Variants in GMDS observed in about 807,000 individuals in gnomAD.
The protein encoded by GMDS is GDP-mannose 4,6-dehydratase.
A neutral mutation model predicts 49.9 loss-of-function variants in GMDS; 20 were observed. The observed-to-expected ratio is 0.40, with a 90% CI of 0.28 to 0.58. The LOEUF is 0.58. Among genes scored for constraint, GMDS ranks in the 20% least tolerant of loss-of-function variants. The pLI, the probability that GMDS is intolerant of heterozygous loss-of-function variation, is 0.42. For missense variants in GMDS, 362 were observed against 481.4 expected (o/e 0.75, Z 2.32); for synonymous variants, 177 against 178.6 (o/e 0.99, Z 0.07).
At chr6:2,245,248 C>G in intron 1 of GMDS, 73 bp downstream of exon 1, 1 of 1,044,146 alleles carries the variant, frequency 9.6e-7, no homozygotes, top group Non-Finnish European at 1.4e-6. Flanking sequence ...CCGCAGCCCA[C>G]GAGTAGCGGC....
intron 7 of GMDS, among the ~76,000 whole-genome samples, chr6:1,871,402 A>G (rs1758744338): frequency 6.6e-6 from 1 of 152,220 alleles, no homozygotes; most frequent in Non-Finnish European, 1.5e-5. Context: ...GTAATATTTT[A>G]ATTTTAAAAA....
chr6:2,145,394 C>T (rs1581709781), intron 1 of GMDS, among the ~76,000 whole-genome samples: 1 of 151,986 alleles, frequency 6.6e-6, no homozygotes, highest in Admixed American at 6.5e-5. Flanking sequence ...AAAAATTAGC[C>T]GGGCGTGGTG....
chr6:1,687,195 AAC>A (rs1765006325), intron 9 of GMDS, among the ~76,000 whole-genome samples: 1 of 152,266 alleles, frequency 6.6e-6, no homozygotes, highest in Admixed American at 6.5e-5. Context: ...ACTGACAAAA[AAC>A]TCCCATAACA....
At chr6:1,933,275 G>A (rs759263026) in intron 6 of GMDS, among the ~76,000 whole-genome samples, 8 of 151,830 alleles carry the variant, frequency 5.3e-5, no homozygotes, top group Non-Finnish European at 1.0e-4. Context: ...TTATTTAACC[G>A]TCCACGAGAT....
chr6:2,067,649 A>G (rs1430987401), intron 4 of GMDS, among the ~76,000 whole-genome samples: 4 of 152,096 alleles, frequency 2.6e-5, no homozygotes, highest in Non-Finnish European at 4.4e-5. Context: ...CTACGCAAAT[A>G]AACTAGAAAA....
intron 8 of GMDS, among the ~76,000 whole-genome samples, chr6:1,735,616 C>T (rs1473025996): frequency 6.6e-6 from 1 of 152,174 alleles, no homozygotes; most frequent in Non-Finnish European, 1.5e-5. Context: ...ACCCAGTGCC[C>T]ACACACAATG....
At chr6:1,938,725 T>G (rs559421034) in intron 6 of GMDS, among the ~76,000 whole-genome samples, 12 of 152,068 alleles carry the variant, frequency 7.9e-5, no homozygotes, top group Middle Eastern at 3.2e-3. Context: ...TCAGCAACTA[T>G]CTCTTTAGAT....
chr6:2,217,448 T>A (rs963881284), intron 1 of GMDS, among the ~76,000 whole-genome samples: 1 of 152,244 alleles, frequency 6.6e-6, no homozygotes, highest in African/African-American at 2.4e-5. Context: ...AGTGAAGGTT[T>A]ATGTTTGTGG....
intron 1 of GMDS, among the ~76,000 whole-genome samples, chr6:2,202,217 G>A (rs1779575383): frequency 6.7e-6 from 1 of 148,156 alleles, no homozygotes; most frequent in African/African-American, 2.5e-5. Context: ...AGGGCAGCAT[G>A]TTAGCAGAGA....
chr6:1,627,198 C>A (rs1762872149), intron 9 of GMDS, among the ~76,000 whole-genome samples: 1 of 152,216 alleles, frequency 6.6e-6, no homozygotes, highest in South Asian at 2.1e-4. Flanking sequence ...TTGTTTTACA[C>A]TTAACTGTTC....
chr6:1,684,779 AC>A (rs1324215152), intron 9 of GMDS, among the ~76,000 whole-genome samples: 5 of 152,034 alleles, frequency 3.3e-5, no homozygotes, highest in African/African-American at 1.2e-4. Flanking sequence ...TCAAATGTAC[AC>A]CCTTAGTGGG....
At chr6:1,747,916 G>A (rs1767575859) in intron 7 of GMDS, among the ~76,000 whole-genome samples, 1 of 151,906 alleles carries the variant, frequency 6.6e-6, no homozygotes, top group African/African-American at 2.4e-5. Context: ...ACTTTTAGAC[G>A]TTTTAAAGAT....
At chr6:2,206,012 G>A (rs139988112) in intron 1 of GMDS, among the ~76,000 whole-genome samples, 75 of 152,116 alleles carry the variant, frequency 4.9e-4, no homozygotes, top group African/African-American at 1.6e-3. Context: ...TAATCTCAGC[G>A]CTTTGGGAGG....
At chr6:1,724,305 G>A (rs1235333211) in intron 9 of GMDS, among the ~76,000 whole-genome samples, 2 of 152,218 alleles carry the variant, frequency 1.3e-5, no homozygotes, top group East Asian at 3.8e-4. Context: ...GAACAGGTAT[G>A]ATGATAGCAC....
chr6:2,026,704 T>A, intron 4 of GMDS, among the ~76,000 whole-genome samples: 1 of 152,220 alleles, frequency 6.6e-6, no homozygotes, highest in Non-Finnish European at 1.5e-5. Flanking sequence ...GTTTGGATAA[T>A]GCTGATGGAT....
intron 1 of GMDS, among the ~76,000 whole-genome samples, chr6:2,188,821 G>C (rs1778891023): frequency 6.6e-6 from 1 of 152,206 alleles, no homozygotes; most frequent in Admixed American, 6.5e-5. Flanking sequence ...TGGTGGGAGA[G>C]CCACAGGTGA....
chr6:2,041,573 T>G (rs1769681955), intron 4 of GMDS, among the ~76,000 whole-genome samples: 1 of 152,196 alleles, frequency 6.6e-6, no homozygotes, highest in South Asian at 2.1e-4. Context: ...TACAGACAGC[T>G]GACCTAATCC....
intron 7 of GMDS, among the ~76,000 whole-genome samples, chr6:1,750,876 G>A (rs112290286): frequency 0.016 from 2,377 of 152,264 alleles, 24 homozygotes; most frequent in Non-Finnish European, 0.024. Context: ...GGATGCCAGC[G>A]CTTGGTGGGG....
At chr6:1,787,630 C>T (rs1237079851) in intron 7 of GMDS, among the ~76,000 whole-genome samples, 3 of 152,202 alleles carry the variant, frequency 2.0e-5, no homozygotes, top group Middle Eastern at 3.4e-3. Context: ...AAAAGGAGAG[C>T]GAACAAGTCC....
Sources: allele counts gnomAD v4.1 joint callset (sites outside exome capture counted in the v4.1 genomes callset), GRCh38; gene constraint gnomAD v4.1.1; transcripts MANE v1.5; gene names NCBI Gene and HGNC (gene_info 2026-07-23, HGNC 2026-07-21).